The following CCDC178 variants were observed in gnomAD, a reference collection of about 807,000 sequenced individuals.
CCDC178 encodes coiled-coil domain-containing protein 178.
A neutral mutation model predicts 117.4 loss-of-function variants in CCDC178; 126 were observed. That is an observed-to-expected ratio of 1.07 (90% CI 0.93 to 1.24). The LOEUF (loss-of-function observed/expected upper bound fraction) is 1.24. Among genes scored for constraint, CCDC178 ranks in the 50% most tolerant of loss-of-function variants. CCDC178 has a pLI of 0.00. For synonymous variants in CCDC178, 283 were observed against 313.4 expected (o/e 0.90, Z 1.02); for missense variants, 1,030 against 986.9 (o/e 1.04, Z -0.59).
chr18:32,953,586 A>C (rs2054534437), intron 22 of CCDC178, among the ~76,000 whole-genome samples: 1 of 152,236 alleles, frequency 6.6e-6, no homozygotes, highest in Non-Finnish European at 1.5e-5. Flanking sequence ...TCCTGAACTC[A>C]TCTTTGACAC....
intron 20 of CCDC178, among the ~76,000 whole-genome samples, chr18:33,135,285 T>C (rs2058111405): frequency 6.6e-6 from 1 of 152,132 alleles, no homozygotes; most frequent in African/African-American, 2.4e-5. Flanking sequence ...ATTAAAAATA[T>C]AATGGTCAAA....
intron 14 of CCDC178, among the ~76,000 whole-genome samples, chr18:33,261,208 T>A (rs1011940088): frequency 1.3e-5 from 2 of 152,116 alleles, no homozygotes; most frequent in African/African-American, 4.8e-5. Context: ...CTCAGCCTCC[T>A]AAGTAGCTGG....
At chr18:33,258,153 A>C (rs1476081414) in intron 14 of CCDC178, among the ~76,000 whole-genome samples, 1 of 152,138 alleles carries the variant, frequency 6.6e-6, no homozygotes, top group African/African-American at 2.4e-5. Flanking sequence ...ATCACTAAGC[A>C]GCCCAAGTGA....
chr18:33,210,188 G>T (rs1276327333), intron 20 of CCDC178, among the ~76,000 whole-genome samples: 3 of 151,950 alleles, frequency 2.0e-5, no homozygotes, highest in African/African-American at 7.2e-5. Flanking sequence ...ATACAGAAAA[G>T]GATATAAAAG....
At chr18:33,416,660 C>G (rs746653586) in intron 2 of CCDC178, among the ~76,000 whole-genome samples, 1 of 152,106 alleles carries the variant, frequency 6.6e-6, no homozygotes, top group Non-Finnish European at 1.5e-5. Context: ...ATGTGGGGAG[C>G]CTGGACTTCC....
At chr18:33,108,953 TTCTTCCTTCTTG>T (rs1450632747) in intron 20 of CCDC178, among the ~76,000 whole-genome samples, 1 of 151,700 alleles carries the variant, frequency 6.6e-6, no homozygotes, top group Non-Finnish European at 1.5e-5. Context: ...AAGGTCTTGC[TTCTTCCTTCTTG>T]TCGCTCCAGG....
At chr18:33,194,705 A>G (rs2058904191) in intron 20 of CCDC178, among the ~76,000 whole-genome samples, 1 of 152,050 alleles carries the variant, frequency 6.6e-6, no homozygotes, top group South Asian at 2.1e-4. Flanking sequence ...TGATATGATG[A>G]TGATCTTCTT....
At chr18:33,019,498 A>G (rs1598795053) in intron 21 of CCDC178, among the ~76,000 whole-genome samples, 1 of 152,288 alleles carries the variant, frequency 6.6e-6, no homozygotes, top group South Asian at 2.1e-4. Flanking sequence ...CAACCTGTAC[A>G]CTTGGTTCCT....
At chr18:33,321,514 AAC>A (rs2062508236) in intron 11 of CCDC178, among the ~76,000 whole-genome samples, 1 of 152,168 alleles carries the variant, frequency 6.6e-6, no homozygotes, top group African/African-American at 2.4e-5. Context: ...AATATTCAGC[AAC>A]AGTGACAAAT....
chr18:33,016,313 T>G (rs930757160), intron 21 of CCDC178, among the ~76,000 whole-genome samples: 9 of 151,936 alleles, frequency 5.9e-5, no homozygotes, highest in Admixed American at 3.9e-4. Context: ...CATTCCCAGA[T>G]CAGCAAAAAA....
chr18:33,178,756 C>T (rs1234917888), intron 20 of CCDC178, among the ~76,000 whole-genome samples: 3 of 152,024 alleles, frequency 2.0e-5, no homozygotes, highest in East Asian at 1.9e-4. Flanking sequence ...ACCTGGCTAG[C>T]TCCTACATAT....
intron 21 of CCDC178, among the ~76,000 whole-genome samples, chr18:33,010,069 A>G (rs980583285): frequency 6.6e-6 from 1 of 152,206 alleles, no homozygotes; most frequent in Non-Finnish European, 1.5e-5. Context: ...TATGCTCTTG[A>G]TAGTAAAAGA....
chr18:33,223,342 A>T, intron 17 of CCDC178, 123 bp from the exon 18 acceptor site: 1 of 1,103,386 alleles, frequency 9.1e-7, no homozygotes, highest in South Asian at 2.2e-5. Flanking sequence ...ATAAAGGGAA[A>T]GAACCATCAC....
intron 21 of CCDC178, among the ~76,000 whole-genome samples, chr18:33,045,722 C>G (rs976775547): frequency 6.6e-6 from 1 of 152,068 alleles, no homozygotes; most frequent in African/African-American, 2.4e-5. Flanking sequence ...CTTACAAAGC[C>G]GAAGCATTGC....
intron 7 of CCDC178, 60 bp downstream of exon 7, chr18:33,356,264 G>A (rs534518790): frequency 7.1e-7 from 1 of 1,415,478 alleles, no homozygotes; most frequent in South Asian, 1.3e-5. Flanking sequence ...GATTATAGCA[G>A]ATGATTGAAA....
chr18:33,164,764 T>C (rs767329130), intron 20 of CCDC178, among the ~76,000 whole-genome samples: 2 of 152,162 alleles, frequency 1.3e-5, no homozygotes, highest in African/African-American at 2.4e-5. Context: ...CAGCCTCAGA[T>C]ATGTAGCCGG....
chr18:33,371,274 TG>T (rs2063295006), intron 5 of CCDC178, among the ~76,000 whole-genome samples: 1 of 94,066 alleles, frequency 1.1e-5, no homozygotes, highest in Middle Eastern at 5.7e-3. Context: ...CTCTCATATA[TG>T]TGTGTGTGTG....
chr18:33,356,261 G>T, intron 7 of CCDC178, 63 bp downstream of exon 7: 1 of 1,401,888 alleles, frequency 7.1e-7, no homozygotes. Context: ...CTGGATTATA[G>T]CAGATGATTG....
chr18:33,207,316 G>A (rs1439411478), intron 20 of CCDC178, among the ~76,000 whole-genome samples: 4 of 151,830 alleles, frequency 2.6e-5, no homozygotes, highest in Non-Finnish European at 5.9e-5. Flanking sequence ...TAAATTAAAT[G>A]TTTGTAAATT....
Sources: gnomAD v4.1 joint callset for allele counts (sites outside exome capture counted in the v4.1 genomes callset) on GRCh38, gnomAD v4.1.1 for gene constraint, MANE v1.5 for transcripts, NCBI Gene and HGNC (gene_info 2026-07-23, HGNC 2026-07-21) for gene names.